Variants in CACNA2D3 observed in about 807,000 individuals in gnomAD.
CACNA2D3 encodes calcium voltage-gated channel auxiliary subunit alpha2delta 3.
A neutral mutation model predicts 160.6 loss-of-function variants in CACNA2D3; 60 were observed. The ratio of observed to expected loss-of-function variants is 0.37; its 90% CI spans 0.30 to 0.46. The LOEUF (loss-of-function observed/expected upper bound fraction) is 0.46. Among genes scored for constraint, CACNA2D3 ranks in the 20% least tolerant of loss-of-function variants. CACNA2D3 has a pLI of 1.00. For synonymous variants in CACNA2D3, 558 were observed against 492.9 expected (o/e 1.13, Z -1.75); for missense variants, 1,205 against 1,365.0 (o/e 0.88, Z 1.85).
intron 5 of CACNA2D3, among the ~76,000 whole-genome samples, chr3:54,559,835 A>G (rs1003580062): frequency 1.3e-5 from 2 of 152,192 alleles, no homozygotes; most frequent in African/African-American, 2.4e-5. Flanking sequence ...ATAAGTGAGA[A>G]CAAGCAGTAT....
intron 4 of CACNA2D3, among the ~76,000 whole-genome samples, chr3:54,440,961 C>T (rs1202422515): frequency 1.3e-5 from 2 of 152,132 alleles, no homozygotes; most frequent in African/African-American, 4.8e-5. Context: ...GTGCATGTGT[C>T]TTTATAGCAG....
intron 3 of CACNA2D3, among the ~76,000 whole-genome samples, chr3:54,347,297 G>A (rs760978912): frequency 2.6e-5 from 4 of 152,172 alleles, no homozygotes; most frequent in African/African-American, 7.2e-5. Flanking sequence ...CTGCCCAACC[G>A]CAAATTTCCA....
intron 13 of CACNA2D3, among the ~76,000 whole-genome samples, chr3:54,764,646 A>G (rs913299277): frequency 6.6e-6 from 1 of 152,162 alleles, no homozygotes; most frequent in Non-Finnish European, 1.5e-5. Context: ...AAATTCTGTC[A>G]GTGTAGCAAT....
At chr3:54,374,802 C>T (rs190553695) in intron 3 of CACNA2D3, among the ~76,000 whole-genome samples, 19 of 152,298 alleles carry the variant, frequency 1.2e-4, no homozygotes, top group African/African-American at 3.9e-4. Flanking sequence ...ATTCCTCTTC[C>T]TAAATAACTT....
rs557459745 is a variant in CACNA2D3 at position 54,705,927 on chromosome 3, A to G, written c.1168-46672A>G. ...CTCATAAAGTGATGATGGAGATGCT[A>G]TGCATGGCCCCTCTTCTCCTCGTAT... On this transcript the variant is annotated intron_variant, in intron 11 of 37. Transcript: ENST00000474759. 3.0e-3 allele frequency among the ~76,000 whole-genome samples: 456 copies of G among 152,296 alleles called. 2 individuals are homozygous for G. Among genetic ancestry groups the G allele is most frequent in the Non-Finnish European group, 3.5e-3 (237 of 68,040 alleles).
intron 11 of CACNA2D3, among the ~76,000 whole-genome samples, chr3:54,679,685 G>A (rs1043836587): frequency 6.6e-6 from 1 of 152,242 alleles, no homozygotes; most frequent in Admixed American, 6.5e-5. Context: ...TCAGGACCAT[G>A]CAGACCATTC....
chr3:54,854,388 C>G (rs1699123066), intron 17 of CACNA2D3, among the ~76,000 whole-genome samples: 1 of 152,188 alleles, frequency 6.6e-6, no homozygotes, highest in Non-Finnish European at 1.5e-5. Context: ...GCTTACAACT[C>G]AAGTCAGTGG....
intron 4 of CACNA2D3, among the ~76,000 whole-genome samples, chr3:54,464,622 T>G (rs1257322373): frequency 6.6e-6 from 1 of 152,184 alleles, no homozygotes; most frequent in African/African-American, 2.4e-5. Flanking sequence ...TTTAAGCCCG[T>G]CGGAAAAGGG....
At chr3:55,061,694 T>C (rs545753482) in intron 35 of CACNA2D3, among the ~76,000 whole-genome samples, 6 of 152,320 alleles carry the variant, frequency 3.9e-5, no homozygotes, top group African/African-American at 1.2e-4. Flanking sequence ...AAAATGTGTT[T>C]GTTTTCATAT....
intron 35 of CACNA2D3, among the ~76,000 whole-genome samples, chr3:55,037,923 T>C (rs1413593676): frequency 2.6e-5 from 4 of 152,174 alleles, no homozygotes; most frequent in Non-Finnish European, 5.9e-5. Flanking sequence ...AGACAGATAC[T>C]GCAGTGAGCA....
At chr3:54,196,149 A>G (rs1251444847) in intron 2 of CACNA2D3, among the ~76,000 whole-genome samples, 1 of 152,210 alleles carries the variant, frequency 6.6e-6, no homozygotes, top group Non-Finnish European at 1.5e-5. Flanking sequence ...CATTATGCCT[A>G]AGCATTTGTC....
At chr3:54,776,315 A>G (rs894062165) in intron 13 of CACNA2D3, among the ~76,000 whole-genome samples, 1 of 152,066 alleles carries the variant, frequency 6.6e-6, no homozygotes, top group Non-Finnish European at 1.5e-5. Context: ...GGAGTTGGAG[A>G]TGGGCAACAT....
chr3:54,602,327 A>G (rs1404969681), intron 9 of CACNA2D3, among the ~76,000 whole-genome samples: 1 of 151,956 alleles, frequency 6.6e-6, no homozygotes, highest in Non-Finnish European at 1.5e-5. Flanking sequence ...GCGAAACTCC[A>G]TCTCTACAAA....
At chr3:55,010,018 A>G (rs1282841346) in intron 34 of CACNA2D3, among the ~76,000 whole-genome samples, 1 of 152,220 alleles carries the variant, frequency 6.6e-6, no homozygotes, top group Non-Finnish European at 1.5e-5. Context: ...TATGCTAAGC[A>G]CAATGGGGAA....
chr3:54,972,706 G>T (rs1702302146), intron 29 of CACNA2D3, among the ~76,000 whole-genome samples: 1 of 152,170 alleles, frequency 6.6e-6, no homozygotes, highest in Non-Finnish European at 1.5e-5. Flanking sequence ...GGTGGAGCCA[G>T]TGTGCCAGAT....
chr3:54,431,808 G>A (rs924204845), intron 4 of CACNA2D3, among the ~76,000 whole-genome samples: 5 of 152,098 alleles, frequency 3.3e-5, no homozygotes, highest in Admixed American at 1.3e-4. Context: ...GGTTTCAGCT[G>A]TGTTGGCCAG....
intron 3 of CACNA2D3, among the ~76,000 whole-genome samples, chr3:54,363,110 G>C (rs546955667): frequency 6.6e-6 from 1 of 152,196 alleles, no homozygotes; most frequent in African/African-American, 2.4e-5. Flanking sequence ...CAGAGGAATT[G>C]CTTGAACCCA....
At chr3:54,591,978 C>G (rs775298163) in intron 9 of CACNA2D3, among the ~76,000 whole-genome samples, 1 of 152,134 alleles carries the variant, frequency 6.6e-6, no homozygotes, top group Non-Finnish European at 1.5e-5. Flanking sequence ...AGATTCTTTC[C>G]TGCCCGTACC....
intron 11 of CACNA2D3, among the ~76,000 whole-genome samples, chr3:54,745,646 C>G (rs1185012536): frequency 1.3e-5 from 2 of 152,176 alleles, no homozygotes. Context: ...TCTTACTGCT[C>G]CATTGAGCTG....
Sources: gnomAD v4.1 joint callset for allele counts (sites outside exome capture counted in the v4.1 genomes callset) on GRCh38, gnomAD v4.1.1 for gene constraint, MANE v1.5 for transcripts, NCBI Gene and HGNC (gene_info 2026-07-23, HGNC 2026-07-21) for gene names.